The following TYR variants were observed in gnomAD, a reference collection of about 807,000 sequenced individuals.
The protein encoded by TYR is tyrosinase, also known as LB24-AB.
In TYR, 58 loss-of-function variants were observed where a neutral mutation model predicts 51.5. The ratio of observed to expected loss-of-function variants is 1.13; its 90% CI spans 0.91 to 1.40. TYR has a LOEUF of 1.40. TYR is among the 40% of genes most tolerant of loss of function. The pLI is 0.00. For missense variants in TYR, 732 were observed against 647.4 expected (o/e 1.13, Z -1.42); for synonymous variants, 263 against 235.2 (o/e 1.12, Z -1.08).
rs577446547 is a variant in TYR, at chr11:89,271,806, C to G, written c.1185-12967C>G. On this transcript the variant is annotated intron_variant, in intron 3 of 4. Coordinates refer to ENST00000263321, the MANE Select transcript of TYR (RefSeq NM_000372.5). ...TTATTAGATAAGTTTATAGAATATTCTAAGTACTTTGTTGTCAGTTCAACA... is the reference window on the plus strand; with the variant it reads ...TTATTAGATAAGTTTATAGAATATTGTAAGTACTTTGTTGTCAGTTCAACA... Among the ~76,000 whole-genome samples the G allele has an allele frequency of 2.6e-5, 4 of 152,026 alleles. No individual in the cohort carries two copies. In the South Asian group the frequency reaches 6.2e-4, roughly 24 times the overall value.
At chr11:89,242,232 G>A (rs1944206437) in intron 3 of TYR, among the ~76,000 whole-genome samples, 1 of 152,034 alleles carries the variant, frequency 6.6e-6, no homozygotes, top group Admixed American at 6.6e-5. Context: ...TTTTGAGATG[G>A]GGTCTTTCTC....
At chr11:89,262,847 C>CAAAAAAAAAAAAAAAAAAAAAAA (rs771958187) in intron 3 of TYR, among the ~76,000 whole-genome samples, 3 of 19,298 alleles carry the variant, frequency 1.6e-4, no homozygotes, top group Non-Finnish European at 2.5e-4. Context: ...GCTACTCATC[C>CAAAAAAAAAAAAAAAAAAAAAAA]AAAAAAAAAA....
chr11:89,292,895 G>C (rs895997991), intron 4 of TYR, among the ~76,000 whole-genome samples: 42 of 152,118 alleles, frequency 2.8e-4, no homozygotes, highest in Admixed American at 3.9e-4. Context: ...AGTCAGTATA[G>C]CACAGGGATT....
chr11:89,184,328 G>A (rs932513778), intron 1 of TYR, among the ~76,000 whole-genome samples: 3 of 152,066 alleles, frequency 2.0e-5, no homozygotes, highest in African/African-American at 7.2e-5. Flanking sequence ...AATATCCTGA[G>A]ATTACTCAAA....
chr11:89,190,311 G>A (rs1349978522), intron 1 of TYR, among the ~76,000 whole-genome samples: 5 of 152,090 alleles, frequency 3.3e-5, no homozygotes, highest in Non-Finnish European at 7.4e-5. Flanking sequence ...TGCCCCTGAA[G>A]ATTTTCCAGT....
intron 3 of TYR, among the ~76,000 whole-genome samples, chr11:89,256,794 G>C (rs1380412383): frequency 6.6e-6 from 1 of 151,856 alleles, no homozygotes; most frequent in Non-Finnish European, 1.5e-5. Context: ...ATTTAGTAGT[G>C]ATATCTCATA....
intron 2 of TYR, among the ~76,000 whole-genome samples, chr11:89,226,606 T>C (rs1943980300): frequency 6.6e-6 from 1 of 152,068 alleles, no homozygotes; most frequent in Non-Finnish European, 1.5e-5. Context: ...ACACTGTCAG[T>C]CACAATAGTG....
chr11:89,269,733 C>G (rs1462336364), intron 3 of TYR, among the ~76,000 whole-genome samples: 2 of 151,876 alleles, frequency 1.3e-5, no homozygotes, highest in Non-Finnish European at 2.9e-5. Flanking sequence ...ACAGGATTTT[C>G]ATTTGAAGCT....
rs2135284980 is a variant in TYR, at chr11:89,231,997, A to T, written c.1184+4027A>T. ...GAGATTCCATCTCAAAAAAAAAAAA[A>T]AAAAGTAAATTAAGAGATCTGTTGT... is the stretch of plus-strand genomic sequence containing the variant. On this transcript the variant is annotated intron_variant, in intron 3 of 4. Coordinates refer to ENST00000263321, the MANE Select transcript of TYR (RefSeq NM_000372.5). 1.4e-5 allele frequency among the ~76,000 whole-genome samples: 2 copies of T among 141,578 alleles called. 1 individual carries two copies. Among genetic ancestry groups the T allele is most frequent in the African/African-American group, 5.6e-5 (2 of 35,518 alleles). The allele number at this position is 141,578 out of a possible 152,430, so 92.9% of individuals were successfully genotyped here.
At chr11:89,238,518 C>T (rs1483664145) in intron 3 of TYR, among the ~76,000 whole-genome samples, 3 of 152,092 alleles carry the variant, frequency 2.0e-5, no homozygotes, top group Non-Finnish European at 4.4e-5. Context: ...TCAGTATACA[C>T]AATCATGTCT....
chr11:89,261,169 A>G (rs1944452389), intron 3 of TYR, among the ~76,000 whole-genome samples: 1 of 152,170 alleles, frequency 6.6e-6, no homozygotes, highest in Non-Finnish European at 1.5e-5. Flanking sequence ...GGAACAATAA[A>G]GAAAGACATA....
At chr11:89,293,955 T>C (rs2135331487) in intron 4 of TYR, 1 of 297,052 alleles carries the variant, frequency 3.4e-6, no homozygotes, top group East Asian at 9.7e-5. Context: ...TCTTGGTTTG[T>C]CGGCAGCATC....
At chr11:89,294,991 G>C (rs1944890382) in intron 4 of TYR, 152 bp from the exon 5 acceptor site, 1 of 1,272,338 alleles carries the variant, frequency 7.9e-7, no homozygotes, top group East Asian at 2.6e-5. Context: ...GGAGTATTAG[G>C]TGTAACTTTC....
At chr11:89,219,296 C>CTT (rs35311585) in intron 2 of TYR, among the ~76,000 whole-genome samples, 17 of 139,068 alleles carry the variant, frequency 1.2e-4, no homozygotes, top group African/African-American at 4.2e-4. Context: ...GACAGAGTGA[C>CTT]TTTTTTTTTT....
At position 89,196,241 on chromosome 11, in the gene TYR, C is replaced by T. The variant is rs151313774; in HGVS notation, c.1036+4823C>T. Among the ~76,000 whole-genome samples, 313 of 152,100 alleles carry T rather than the reference C, an allele frequency of 2.1e-3. 2 individuals are homozygous for T. Among genetic ancestry groups the T allele is most frequent in the African/African-American group, 7.1e-3 (293 of 41,480 alleles). On this transcript the variant is annotated intron_variant, in intron 2 of 4. Transcript: ENST00000263321. ...TAACAAAGTAAGTTTACAGTGAGTC[C>T]TGAGAAAATATATTATAATGGCCTA...
At chr11:89,256,964 G>A (rs1944399977) in intron 3 of TYR, among the ~76,000 whole-genome samples, 1 of 151,814 alleles carries the variant, frequency 6.6e-6, no homozygotes, top group East Asian at 1.9e-4. Flanking sequence ...GTGAGGGAAT[G>A]GGGAATACGG....
Position 89,201,652 on chromosome 11 carries a change from CA to C in TYR, c.1036+10235del, listed in dbSNP as rs548725846. Among the ~76,000 whole-genome samples, 63 of 152,246 alleles carry C rather than the reference CA, an allele frequency of 4.1e-4. No individual in the cohort carries two copies. In the South Asian group the frequency reaches 8.9e-3, roughly 22 times the overall value. On this transcript the variant is annotated intron_variant, in intron 2 of 4. Transcript: ENST00000263321. ...ACTACCTTGATTTGTGCTAAGACAC[CA>C]GAAGATTTGCCCACCATTGCTTTTG...
At chr11:89,242,610 C>A (rs1379696607) in intron 3 of TYR, among the ~76,000 whole-genome samples, 2 of 152,164 alleles carry the variant, frequency 1.3e-5, no homozygotes, top group East Asian at 3.8e-4. Context: ...TCTATTCTGA[C>A]AACTAGCATT....
chr11:89,241,566 A>G (rs1406762344), intron 3 of TYR, among the ~76,000 whole-genome samples: 1 of 151,896 alleles, frequency 6.6e-6, no homozygotes, highest in African/African-American at 2.4e-5. Context: ...TTTAGAAAAT[A>G]CTTATTGAGC....
Sources: gnomAD v4.1 joint callset for allele counts (sites outside exome capture counted in the v4.1 genomes callset) on GRCh38, gnomAD v4.1.1 for gene constraint, MANE v1.5 for transcripts, NCBI Gene and HGNC (gene_info 2026-07-23, HGNC 2026-07-21) for gene names.